The following SUN3 variants were observed in gnomAD, a reference collection of about 807,000 sequenced individuals.
SUN3 encodes the protein SUN domain-containing protein 3.
SUN3 carries 36 observed loss-of-function variants against 48.2 expected under a neutral mutation model. The observed-to-expected ratio is 0.75, with a 90% CI of 0.57 to 0.99. The LOEUF is 0.99. Among genes scored for constraint, SUN3 ranks in the 50% least tolerant of loss-of-function variants. SUN3 has a pLI of 0.00. For missense variants in SUN3, 419 were observed against 433.1 expected, an observed-to-expected ratio of 0.97 and a Z score of 0.29; for synonymous variants, 148 against 147.9, an observed-to-expected ratio of 1.00 and a Z score of 0.00.
chr7:48,003,722 G>A lies in SUN3; in HGVS notation c.577+2247C>T, dbSNP rs117668604. On this transcript the variant is annotated intron_variant, in intron 6 of 9. Transcript: ENST00000297325. ...GGCTCTTGGCTTGACTTTTGTTGGTGTATAGAATGCTAGTGATTTTTGCAC... is the reference window on the plus strand; with the variant it reads ...GGCTCTTGGCTTGACTTTTGTTGGTATATAGAATGCTAGTGATTTTTGCAC... 6.0e-3 allele frequency among the ~76,000 whole-genome samples: 908 copies of A among 152,298 alleles called. 5 individuals carry two copies. Among genetic ancestry groups the A allele is most frequent in the Admixed American group, 9.9e-3 (151 of 15,302 alleles).
intron 2 of SUN3, among the ~76,000 whole-genome samples, chr7:48,017,983 G>C (rs1789859950): frequency 6.6e-6 from 1 of 152,208 alleles, no homozygotes; most frequent in East Asian, 1.9e-4. Flanking sequence ...TAAAGAGGCA[G>C]TCTCTTTCTG....
At chr7:48,002,635 T>C (rs1445378189) in intron 6 of SUN3, among the ~76,000 whole-genome samples, 3 of 152,204 alleles carry the variant, frequency 2.0e-5, no homozygotes, top group Non-Finnish European at 4.4e-5. Flanking sequence ...ATTAGACCAT[T>C]GTTGGTTGCA....
chr7:48,013,278 C>T (rs1789729515), intron 3 of SUN3, among the ~76,000 whole-genome samples: 2 of 152,174 alleles, frequency 1.3e-5, no homozygotes, highest in Admixed American at 1.3e-4. Flanking sequence ...GCTTCCTAAT[C>T]TATAAATGGA....
At chr7:48,004,583 CGCAA>C (rs923562484) in intron 6 of SUN3, among the ~76,000 whole-genome samples, 1 of 152,218 alleles carries the variant, frequency 6.6e-6, no homozygotes, top group African/African-American at 2.4e-5. Flanking sequence ...AGAAGCTGGC[CGCAA>C]ACAGACAGGG....
At chr7:47,996,837 C>G (rs1348733745) in intron 6 of SUN3, among the ~76,000 whole-genome samples, 1 of 139,604 alleles carries the variant, frequency 7.2e-6, no homozygotes, top group Admixed American at 7.7e-5. Flanking sequence ...GTGTCTCACT[C>G]TGTCGCCAGG....
At chr7:47,989,030 A>C in intron 8 of SUN3, 150 bp from the exon 9 acceptor site, 1 of 485,952 alleles carries the variant, frequency 2.1e-6, no homozygotes, top group Non-Finnish European at 3.7e-6. Flanking sequence ...CCCAGAGGAT[A>C]TTTAACAAGG....
At chr7:48,007,616 G>A (rs1583763240) in intron 4 of SUN3, among the ~76,000 whole-genome samples, 2 of 152,234 alleles carry the variant, frequency 1.3e-5, no homozygotes, top group Middle Eastern at 3.4e-3. Context: ...GCTGGGTAAC[G>A]TCACACAGGT....
chr7:48,008,275 C>T (rs1056831597), intron 4 of SUN3, among the ~76,000 whole-genome samples: 4 of 152,128 alleles, frequency 2.6e-5, no homozygotes, highest in African/African-American at 4.8e-5. Context: ...TGTTTGAATT[C>T]GGGAAAAAAC....
intron 2 of SUN3, among the ~76,000 whole-genome samples, chr7:48,023,985 A>G (rs530983305): frequency 3.3e-4 from 50 of 152,350 alleles, no homozygotes; most frequent in Middle Eastern, 3.4e-3. Context: ...AAAGATTCCT[A>G]TAGGGAAAGA....
upstream of SUN3, among the ~76,000 whole-genome samples, chr7:48,033,323 G>C (rs939534331): frequency 5.9e-5 from 9 of 152,330 alleles, no homozygotes; most frequent in East Asian, 1.9e-4. Flanking sequence ...TGCTTTGGGA[G>C]GCTGAGGCAG....
upstream of SUN3, among the ~76,000 whole-genome samples, chr7:48,030,615 T>C (rs2686782): frequency 0.89 from 135,266 of 152,312 alleles, 60,272 homozygotes; most frequent in Non-Finnish European, 0.92. Flanking sequence ...CTTCCTCATT[T>C]ATTTATGACT....
At chr7:47,990,845 C>A (rs1789037902) in intron 8 of SUN3, among the ~76,000 whole-genome samples, 2 of 150,958 alleles carry the variant, frequency 1.3e-5, no homozygotes, top group Non-Finnish European at 1.5e-5. Context: ...CAAACTAACA[C>A]AGGAACAGAA....
intron 2 of SUN3, among the ~76,000 whole-genome samples, chr7:48,019,164 G>C (rs1789897049): frequency 6.6e-6 from 1 of 152,108 alleles, no homozygotes; most frequent in South Asian, 2.1e-4. Flanking sequence ...AAAGTGAACA[G>C]AGCCCAAGAC....
Position 47,990,589 on chromosome 7 carries a change from T to A in SUN3, c.862-1709A>T, listed in dbSNP as rs143320732. On this transcript the variant is annotated intron_variant, in intron 8 of 9. Transcript: ENST00000297325. ...CTCTTTCTTTTCTCAAGTCTCTCGT[T>A]CCACCTGACGAGAAACGCCCACAGG... Among the ~76,000 whole-genome samples, 967 of 152,202 alleles carry A rather than the reference T, an allele frequency of 6.4e-3. 11 individuals are homozygous for A. The highest frequency in any genetic ancestry group is 0.011 in the Non-Finnish European group (779 of 68,012).
chr7:48,017,999 A>G (rs2128781047), intron 2 of SUN3, among the ~76,000 whole-genome samples: 1 of 152,354 alleles, frequency 6.6e-6, no homozygotes, highest in Non-Finnish European at 1.5e-5. Flanking sequence ...TTCTGGAAAA[A>G]GGGCTCAGAA....
chr7:48,029,901 G>A (rs529429097), upstream of SUN3, among the ~76,000 whole-genome samples: 21 of 152,062 alleles, frequency 1.4e-4, 1 homozygote, highest in South Asian at 1.0e-3. Flanking sequence ...GCAATTTCTC[G>A]CGTAGTTTTT....
intron 2 of SUN3, among the ~76,000 whole-genome samples, chr7:48,019,368 G>A (rs1789903453): frequency 6.6e-6 from 1 of 152,024 alleles, no homozygotes; most frequent in Admixed American, 6.5e-5. Context: ...TATAAATGAT[G>A]TAATGATGTA....
chr7:47,997,032 C>T (rs1008835191), intron 6 of SUN3, among the ~76,000 whole-genome samples: 13 of 152,034 alleles, frequency 8.6e-5, no homozygotes, highest in African/African-American at 3.1e-4. Context: ...GATCTCTTGA[C>T]CTAGTGATGT....
Position 48,005,926 on chromosome 7 carries a change from C to G in SUN3, c.577+43G>C, listed in dbSNP as rs78485931. 1.6e-5 allele frequency: 18 copies of G among 1,111,336 alleles called. No homozygotes were observed. The African/African-American group carries it at 2.2e-4, about 14-fold the overall frequency. 68.8% of individuals were successfully genotyped at this position (1,111,336 alleles called of 1,614,324 possible). ...AGAATAGGGACATTCCTGAAGCATT[C>G]TTTTTTTTTTAATGTTCCTCTTTTC... On this transcript the variant is annotated intron_variant, in intron 6 of 9. Coordinates refer to ENST00000297325, the MANE Select transcript of SUN3 (RefSeq NM_001030019.2).
Sources: allele counts gnomAD v4.1 joint callset (sites outside exome capture counted in the v4.1 genomes callset), GRCh38; gene constraint gnomAD v4.1.1; transcripts MANE v1.5; gene names NCBI Gene and HGNC (gene_info 2026-07-23, HGNC 2026-07-21).